ZFPM2: variants seen among roughly 807,000 people sequenced by gnomAD.
The protein encoded by ZFPM2 is zinc finger protein, FOG family member 2, also known as zinc finger protein ZFPM2.
Under a neutral mutation model 98.6 loss-of-function variants are expected in ZFPM2, and 20 were observed. That is an observed-to-expected ratio of 0.20 (90% CI 0.14 to 0.29). The LOEUF (loss-of-function observed/expected upper bound fraction) is 0.29. ZFPM2 is among the 10% of genes least tolerant of loss of function. The pLI, the probability that ZFPM2 is intolerant of heterozygous loss-of-function variation, is 1.00. For synonymous variants in ZFPM2, 518 were observed against 502.7 expected, an observed-to-expected ratio of 1.03 and a Z score of -0.41; for missense variants, 1,310 against 1,388.6, an observed-to-expected ratio of 0.94 and a Z score of 0.90.
chr8:105,517,692 CCA>C (rs10659350), intron 3 of ZFPM2, among the ~76,000 whole-genome samples: 4 of 130,134 alleles, frequency 3.1e-5, no homozygotes, highest in East Asian at 4.7e-4. Context: ...CACACACACA[CCA>C]CACACACACA....
intron 3 of ZFPM2, among the ~76,000 whole-genome samples, chr8:105,497,775 G>C (rs1813505114): frequency 1.3e-5 from 2 of 152,094 alleles, no homozygotes; most frequent in South Asian, 4.1e-4. Context: ...TTGTGGGATG[G>C]AGCCATGTTT....
chr8:105,636,106 T>C (rs1263075193), intron 5 of ZFPM2, among the ~76,000 whole-genome samples: 2 of 152,080 alleles, frequency 1.3e-5, no homozygotes, highest in Non-Finnish European at 2.9e-5. Context: ...TTGCATGAGG[T>C]CAGTTGTGGA....
intron 3 of ZFPM2, among the ~76,000 whole-genome samples, chr8:105,528,329 C>T (rs1814220088): frequency 6.6e-6 from 1 of 152,048 alleles, no homozygotes. Context: ...AGGGCTTGAC[C>T]TCTTTGGGAA....
At chr8:105,499,504 AGT>A (rs1813544635) in intron 3 of ZFPM2, among the ~76,000 whole-genome samples, 1 of 152,236 alleles carries the variant, frequency 6.6e-6, no homozygotes, top group African/African-American at 2.4e-5. Flanking sequence ...AATTTCAGGC[AGT>A]GAGTGTAATA....
At chr8:105,383,959 G>T (rs1302178363) in intron 1 of ZFPM2, among the ~76,000 whole-genome samples, 6 of 152,106 alleles carry the variant, frequency 3.9e-5, no homozygotes, top group Non-Finnish European at 7.4e-5. Context: ...TTAATATAAA[G>T]AGAAGAAAGC....
chr8:105,324,723 A>T (rs1266197131), intron 1 of ZFPM2, among the ~76,000 whole-genome samples: 2 of 151,974 alleles, frequency 1.3e-5, no homozygotes, highest in Non-Finnish European at 2.9e-5. Context: ...GTATTAAGTG[A>T]ATAAACTAAT....
rs146099263 is a variant in ZFPM2, at chr8:105,551,937, A to T, written c.302-9426A>T. 5.9e-3 allele frequency among the ~76,000 whole-genome samples: 669 copies of T among 113,884 alleles called. 7 individuals carry two copies. Among genetic ancestry groups the T allele is most frequent in the African/African-American group, 0.028 (642 of 23,096 alleles). 74.7% of individuals were successfully genotyped at this position (113,884 alleles called of 152,430 possible). A position where few individuals can be genotyped will look rare whatever the true frequency, so the allele number is the denominator to read the frequency against. ...GTATATGTGATTGTTAAATATCAGC[A>T]ATGACTTGTGATAAGTTCTAAGTGA... On this transcript the variant is annotated intron_variant, in intron 3 of 7. Coordinates refer to ENST00000407775, the MANE Select transcript of ZFPM2 (RefSeq NM_012082.4).
chr8:105,746,106 G>T (rs1315311654), intron 5 of ZFPM2, among the ~76,000 whole-genome samples: 2 of 151,978 alleles, frequency 1.3e-5, no homozygotes, highest in Non-Finnish European at 2.9e-5. Flanking sequence ...CTTTTGAAGT[G>T]TAGGGAATGT....
At chr8:105,384,451 T>C (rs1810946139) in intron 1 of ZFPM2, among the ~76,000 whole-genome samples, 2 of 152,014 alleles carry the variant, frequency 1.3e-5, no homozygotes, top group Admixed American at 6.6e-5. Flanking sequence ...AGTTCCCCAG[T>C]AGGCTCATTA....
At chr8:105,549,594 C>CCT (rs1408732071) in intron 3 of ZFPM2, among the ~76,000 whole-genome samples, 10 of 140,660 alleles carry the variant, frequency 7.1e-5, no homozygotes, top group African/African-American at 2.7e-4. Context: ...TTCTTTCCTT[C>CCT]CTCTATCTCT....
chr8:105,492,536 C>T (rs745581706), intron 3 of ZFPM2, among the ~76,000 whole-genome samples: 1 of 152,058 alleles, frequency 6.6e-6, no homozygotes, highest in Non-Finnish European at 1.5e-5. Context: ...GGGAAAATTG[C>T]CCTACACATA....
chr8:105,433,854 T>C (rs891818383), intron 2 of ZFPM2, among the ~76,000 whole-genome samples: 11 of 152,194 alleles, frequency 7.2e-5, no homozygotes, highest in African/African-American at 2.7e-4. Flanking sequence ...TGTTATCAAC[T>C]GTTTCAGGAT....
intron 1 of ZFPM2, among the ~76,000 whole-genome samples, chr8:105,399,247 C>A (rs1396761910): frequency 2.6e-5 from 4 of 152,122 alleles, no homozygotes; most frequent in Non-Finnish European, 5.9e-5. Flanking sequence ...AATTTATATC[C>A]TGTGACAAGC....
chr8:105,319,922 C>G (rs1811988327), intron 1 of ZFPM2, among the ~76,000 whole-genome samples: 1 of 152,150 alleles, frequency 6.6e-6, no homozygotes, highest in Admixed American at 6.5e-5. Context: ...GGGAGAATTC[C>G]TCCAATAGCG....
chr8:105,537,904 T>C (rs1027113812), intron 3 of ZFPM2, among the ~76,000 whole-genome samples: 2 of 151,952 alleles, frequency 1.3e-5, no homozygotes. Context: ...GCTAATTTTT[T>C]GTATTTTAGT....
chr8:105,649,381 T>C (rs1161251223), intron 5 of ZFPM2, among the ~76,000 whole-genome samples: 2 of 152,196 alleles, frequency 1.3e-5, no homozygotes, highest in African/African-American at 4.8e-5. Flanking sequence ...TTCTTTCTCC[T>C]GCCTGATTGC....
chr8:105,625,929 A>G (rs1359852452), intron 4 of ZFPM2, among the ~76,000 whole-genome samples: 1 of 151,244 alleles, frequency 6.6e-6, no homozygotes, highest in African/African-American at 2.4e-5. Context: ...ATGGAATGGA[A>G]TGATTTTGTT....
chr8:105,713,910 T>G (rs1811460265), intron 5 of ZFPM2, among the ~76,000 whole-genome samples: 3 of 152,136 alleles, frequency 2.0e-5, no homozygotes, highest in African/African-American at 2.4e-5. Flanking sequence ...AGCTTTGTTC[T>G]TTTTGCTTAG....
intron 5 of ZFPM2, among the ~76,000 whole-genome samples, chr8:105,695,805 G>T (rs566732711): frequency 3.4e-4 from 52 of 151,424 alleles, no homozygotes; most frequent in Non-Finnish European, 5.9e-4. Context: ...TCTCTACATT[G>T]GACTTAGTTA....
Sources: allele counts gnomAD v4.1 joint callset (sites outside exome capture counted in the v4.1 genomes callset), GRCh38; gene constraint gnomAD v4.1.1; transcripts MANE v1.5; gene names NCBI Gene and HGNC (gene_info 2026-07-23, HGNC 2026-07-21).